Variants in LRP1 observed in about 807,000 individuals in gnomAD.
LRP1 encodes the protein prolow-density lipoprotein receptor-related protein 1.
A neutral mutation model predicts 541.5 loss-of-function variants in LRP1; 51 were observed. That is an observed-to-expected ratio of 0.09 (90% CI 0.08 to 0.12). The LOEUF (loss-of-function observed/expected upper bound fraction) is 0.12. LRP1 is among the 10% of genes least tolerant of loss of function. The pLI is 1.00. For missense variants in LRP1, 3,878 were observed against 6,376.2 expected (o/e 0.61, Z 13.34); for synonymous variants, 2,219 against 2,470.8 (o/e 0.90, Z 3.02).
chr12:57,138,379 A>T, intron 1 of LRP1, 80 bp from the exon 2 acceptor site: 1 of 1,508,010 alleles, frequency 6.6e-7, no homozygotes. Flanking sequence ...TAGGGAAGGA[A>T]GAGCAGTACT....
At position 57,205,625 on chromosome 12, in the gene LRP1, C is replaced by G; in HGVS notation, c.11538C>G (p.Leu3846=). The G allele has an allele frequency of 6.2e-7, 1 of 1,613,714 alleles. No homozygotes were observed. The highest frequency in any genetic ancestry group is 8.5e-7 in the Non-Finnish European group (1 of 1,180,036). The stretch of plus-strand genomic sequence containing the variant: ...GCAACAACACCAAGGGCGGCCACCT[C>G]TGCAGCTGCGCTCGGAACTTCATGA... ...QLCNNTKGGH[L]CSCARNFMKT... Residue 3846 remains leucine (L), a synonymous_variant, in exon 75 of 89, where the codon CTC becomes CTG. Transcript: ENST00000243077. The surrounding 1 kb of genome is among the most constrained non-coding windows in gnomAD (Gnocchi z 4.6).
chr12:57,129,439 G>A (rs1020980170), intron 1 of LRP1, among the ~76,000 whole-genome samples: 3 of 151,902 alleles, frequency 2.0e-5, no homozygotes, highest in Non-Finnish European at 4.4e-5. Flanking sequence ...GGGGGTGGGG[G>A]TGGGGGGGGT....
rs764118726 is a variant in LRP1 at position 57,206,469 on chromosome 12, C to T, written c.11591-4C>T. 3.1e-6 allele frequency: 5 copies of T among 1,613,616 alleles called. No individual in the cohort carries two copies. The highest frequency in any genetic ancestry group is 3.4e-6 in the Non-Finnish European group (4 of 1,179,756). On this transcript the variant is annotated splice_region_variant and splice_polypyrimidine_tract_variant and intron_variant, in intron 75 of 88. Transcript: ENST00000243077. The surrounding 1 kb of genome is among the most constrained non-coding windows in gnomAD (Gnocchi z 4.7). The stretch of plus-strand genomic sequence containing the variant: ...GCCCCAGCCCTGGCCTCTTGCTTCT[C>T]CAGGCTCTGAGTACCAGGTCCTGTA...
chr12:57,149,544 C>T (rs989646907), intron 6 of LRP1: 1 of 657,404 alleles, frequency 1.5e-6, no homozygotes, highest in East Asian at 2.7e-5. Context: ...GCAAGGATTT[C>T]TCAATAGAGG....
At position 57,144,870 on chromosome 12, in the gene LRP1, A is replaced by G. The variant is rs542439286; in HGVS notation, c.449-102A>G. 6.7e-6 allele frequency: 8 copies of G among 1,186,530 alleles called. No homozygotes were observed. The Admixed American group carries it at 1.2e-4, about 18-fold the overall frequency. 73.5% of individuals were successfully genotyped at this position (1,186,530 alleles called of 1,614,324 possible). ...ATAGATTCTGCCGAACTGTCCTTCA[A>G]GGTAGCTGTAAGGATGGACATGTTG... is the stretch of plus-strand genomic sequence containing the variant. On this transcript the variant is annotated intron_variant, in intron 4 of 88. Coordinates refer to ENST00000243077, the MANE Select transcript of LRP1 (RefSeq NM_002332.3).
chr12:57,194,123 C>A, intron 48 of LRP1, 111 bp downstream of exon 48: 1 of 1,075,058 alleles, frequency 9.3e-7, no homozygotes, highest in Non-Finnish European at 1.4e-6. Flanking sequence ...CTTCCCTCAT[C>A]CCCGCTGACA....
chr12:57,208,114 G>A lies in LRP1; in HGVS notation c.11936G>A (p.Arg3979Gln), dbSNP rs2036825315. ...AGNVYWTDSG[R>Q]DVIEVAQMKG... ...AACGTGTACTGGACCGACTCGGGCCGAGATGTGATTGAGGTGGCGCAGATG... is the reference window on the plus strand; with the variant it reads ...AACGTGTACTGGACCGACTCGGGCCAAGATGTGATTGAGGTGGCGCAGATG... The change falls in exon 77 of 89, where the codon CGA (arginine) becomes CAA (glutamine). Residue 3979 changes from arginine to glutamine, a missense_variant. By Grantham distance (43) the Arg-to-Gln change is conservative (BLOSUM62 1). Coordinates refer to ENST00000243077, the MANE Select transcript of LRP1 (RefSeq NM_002332.3). 7.4e-6 allele frequency: 12 copies of A among 1,614,226 alleles called. No individual in the cohort carries two copies. The highest frequency in any genetic ancestry group is 1.0e-5 in the Non-Finnish European group (12 of 1,180,042).
chr12:57,160,574 T>G (rs2035709784), intron 12 of LRP1, among the ~76,000 whole-genome samples: 1 of 152,140 alleles, frequency 6.6e-6, no homozygotes, highest in South Asian at 2.1e-4. Context: ...ATCACCCTGC[T>G]TTATTTCCCT....
At position 57,185,815 on chromosome 12, in the gene LRP1, G is replaced by A. The variant is rs1565740448; in HGVS notation, c.6748G>A (p.Gly2250Ser). Residue 2250 changes from glycine (G) to serine (S), a missense_variant, in exon 41 of 89, where the codon GGC becomes AGC. Transcript: ENST00000243077. The surrounding 1 kb of genome is among the most constrained non-coding windows in gnomAD (Gnocchi z 4.9). ...TGACTACCGGGCAGGCACCTCTCCG[G>A]GCACCCCCAATCGCATCTTCTTCAG... ...AFDYRAGTSP[G>S]TPNRIFFSDI... 12 of 1,614,122 alleles carry A rather than the reference G, an allele frequency of 7.4e-6. No homozygotes were observed. Among genetic ancestry groups the A allele is most frequent in the Non-Finnish European group, 1.0e-5 (12 of 1,180,036 alleles).
At chr12:57,160,525 CCT>C (rs1188427973) in intron 12 of LRP1, among the ~76,000 whole-genome samples, 1 of 152,148 alleles carries the variant, frequency 6.6e-6, no homozygotes. Flanking sequence ...CCATCACTCC[CCT>C]GACACCCCCA....
rs1347019663 is a variant in LRP1, at chr12:57,173,901, C to T, written c.3468C>T (p.Thr1156=). Reference sequence around the variant, plus strand: ...CCTCGCACCCTTGTGCCAACAACACCTCAGTCTGCCTGCCCCCTGACAAGC... The same window carrying T: ...CCTCGCACCCTTGTGCCAACAACACTTCAGTCTGCCTGCCCCCTGACAAGC... The part of the protein sequence containing the change: ...RPPSHPCANN[T]SVCLPPDKLC... Residue 1156 remains threonine, a synonymous_variant, in exon 22 of 89, where the codon ACC becomes ACT. Transcript: ENST00000243077. This position sits in a 1 kb window ranked among gnomAD's most constrained non-coding sequence, Gnocchi z 4.7. The T allele has an allele frequency of 1.2e-6, 2 of 1,614,116 alleles. No individual in the cohort carries two copies. The highest frequency in any genetic ancestry group is 2.7e-5 in the African/African-American group (2 of 74,940).
chr12:57,208,321 C>T (rs1460118640), intron 77 of LRP1, 105 bp downstream of exon 77: 4 of 1,254,578 alleles, frequency 3.2e-6, no homozygotes, highest in Non-Finnish European at 3.3e-6. Context: ...CCAGGCCAGC[C>T]TGAGGACAGA....
chr12:57,170,927 C>T lies in LRP1; in HGVS notation c.3163+1620C>T, dbSNP rs545660790. 3.3e-5 allele frequency among the ~76,000 whole-genome samples: 5 copies of T among 152,358 alleles called. No individual in the cohort carries two copies. In the South Asian group the frequency reaches 1.0e-3, roughly 32 times the overall value. On this transcript the variant is annotated intron_variant, in intron 20 of 88. Transcript: ENST00000243077. ...CTGCCTTATAGAGTTAGGGCACATTCCCACCCTAGTAGGAGAAGACTGGAC... is the reference window on the plus strand; with the variant it reads ...CTGCCTTATAGAGTTAGGGCACATTTCCACCCTAGTAGGAGAAGACTGGAC...
At chr12:57,188,411 C>T (rs2036311483) in intron 42 of LRP1, among the ~76,000 whole-genome samples, 1 of 152,154 alleles carries the variant, frequency 6.6e-6, no homozygotes, top group Admixed American at 6.5e-5. Flanking sequence ...AACCCAGATT[C>T]CCCCCACCAG....
At position 57,162,827 on chromosome 12, in the gene LRP1, C is replaced by T. The variant is rs890142746; in HGVS notation, c.2405-31C>T. The T allele has an allele frequency of 4.4e-6, 7 of 1,587,876 alleles. No individual in the cohort carries two copies. In the African/African-American group the frequency reaches 6.7e-5, roughly 15 times the overall value. On this transcript the variant is annotated intron_variant, in intron 14 of 88. Coordinates refer to ENST00000243077, the MANE Select transcript of LRP1 (RefSeq NM_002332.3). This position sits in a 1 kb window ranked among gnomAD's most constrained non-coding sequence, Gnocchi z 5.2. ...CTGACCTCTCCTCACCTCTTCCTCCCTTTGCCTTTCCCCATGGCCCTTCCC... is the reference window on the plus strand; with the variant it reads ...CTGACCTCTCCTCACCTCTTCCTCCTTTTGCCTTTCCCCATGGCCCTTCCC...
intron 62 of LRP1, 68 bp from the exon 63 acceptor site, chr12:57,200,374 C>T: frequency 2.1e-6 from 2 of 968,796 alleles, no homozygotes; most frequent in South Asian, 1.3e-5. Context: ...CATCCAAGCC[C>T]CTCAAAAGAA....
chr12:57,200,118 C>A, intron 62 of LRP1, 93 bp downstream of exon 62: 1 of 1,098,986 alleles, frequency 9.1e-7, no homozygotes, highest in Non-Finnish European at 1.3e-6. Context: ...CTAATGTCCT[C>A]ATGCATCTGG....
Position 57,194,633 on chromosome 12 carries a change from A to C in LRP1, c.8125A>C (p.Ile2709Leu). Residue 2709 changes from isoleucine to leucine, a missense_variant, in exon 50 of 89, where the codon ATC becomes CTC. Ile to Leu is a conservative substitution (Grantham distance 5, BLOSUM62 2). Around this residue, in one of 13 missense-constraint regions of LRP1, gnomAD observed 1,100 missense variants for 1,827.4 expected, o/e 0.60. Coordinates refer to ENST00000243077, the MANE Select transcript of LRP1 (RefSeq NM_002332.3). ...NYFACPSGRC[I>L]PMSWTCDKED... is the part of the protein sequence containing the mutation. ...CTTCGCCTGCCCTAGTGGGCGCTGC[A>C]TCCCCATGAGCTGGACGTGTGACAA... 1 of 1,609,358 alleles carries C rather than the reference A, an allele frequency of 6.2e-7. No homozygotes were observed. Among genetic ancestry groups the C allele is most frequent in the African/African-American group, 1.3e-5 (1 of 74,908 alleles).
At position 57,156,650 on chromosome 12, in the gene LRP1, A is replaced by G; in HGVS notation, c.1418-127A>G. 3.4e-6 allele frequency: 4 copies of G among 1,164,182 alleles called. No individual in the cohort carries two copies. The highest frequency in any genetic ancestry group is 4.7e-6 in the Non-Finnish European group (4 of 852,194). The allele number at this position is 1,164,182 out of a possible 1,614,324, so 72.1% of individuals were successfully genotyped here. A position where few individuals can be genotyped will look rare whatever the true frequency, so the allele number is the denominator to read the frequency against. ...AGGGTTTCCACCCCTGTGGCTTCCA[A>G]ATCCTAAAATGGGATAGCAAGCACA... is the stretch of plus-strand genomic sequence containing the variant. On this transcript the variant is annotated intron_variant, in intron 9 of 88. Transcript: ENST00000243077. This position sits in a 1 kb window ranked among gnomAD's most constrained non-coding sequence, Gnocchi z 5.2.
Sources: allele counts gnomAD v4.1 joint callset (sites outside exome capture counted in the v4.1 genomes callset), GRCh38; gene constraint gnomAD v4.1.1; regional missense constraint gnomAD v4.1.1; non-coding constraint Gnocchi (gnomAD v3.1); transcripts MANE v1.5; gene names NCBI Gene and HGNC (gene_info 2026-07-23, HGNC 2026-07-21).